Variants in MACROD2 observed in about 807,000 individuals in gnomAD.
MACROD2 encodes the protein mono-ADP ribosylhydrolase 2.
MACROD2 carries 36 observed loss-of-function variants against 70.4 expected under a neutral mutation model. That is an observed-to-expected ratio of 0.51 (90% CI 0.39 to 0.68). The LOEUF is 0.68. Among genes scored for constraint, MACROD2 ranks in the 30% least tolerant of loss-of-function variants. MACROD2 has a pLI of 0.00. For missense variants in MACROD2, 496 were observed against 538.4 expected (o/e 0.92, Z 0.78); for synonymous variants, 172 against 178.8 (o/e 0.96, Z 0.30).
At chr20:15,147,844 A>G (rs968278169) in intron 5 of MACROD2, among the ~76,000 whole-genome samples, 3 of 152,050 alleles carry the variant, frequency 2.0e-5, no homozygotes, top group Non-Finnish European at 4.4e-5. Flanking sequence ...TTGGGTAGGT[A>G]AAGGAAAAAG....
chr20:14,741,761 G>A (rs2123720332), intron 5 of MACROD2, among the ~76,000 whole-genome samples: 1 of 152,122 alleles, frequency 6.6e-6, no homozygotes, highest in East Asian at 1.9e-4. Context: ...TTTTAAGAAT[G>A]CAGTATATGA....
chr20:15,659,304 CTTTTTTTTTTTTTTTTTT>C lies in MACROD2; in HGVS notation c.645+159469_645+159486del, dbSNP rs11468344. Among the ~76,000 whole-genome samples the C allele has an allele frequency of 6.0e-5, 4 of 67,220 alleles. 1 individual carries two copies. The highest frequency in any genetic ancestry group is 5.1e-5 in the Non-Finnish European group (2 of 39,036). The allele number at this position is 67,220 out of a possible 152,430, so 44.1% of individuals were successfully genotyped here. A position where few individuals can be genotyped will look rare whatever the true frequency, so the allele number is the denominator to read the frequency against. On this transcript the variant is annotated intron_variant, in intron 8 of 17. Transcript: ENST00000684519. ...ATCAAAAGCTTGCAAGATAGCACAG[CTTTTTTTTTTTTTTTTTT>C]TTTTTTTTTTTGTCTCTTGATAGAA... is the stretch of plus-strand genomic sequence containing the variant.
At chr20:15,159,731 T>G (rs2076334685) in intron 5 of MACROD2, among the ~76,000 whole-genome samples, 1 of 151,244 alleles carries the variant, frequency 6.6e-6, no homozygotes, top group Non-Finnish European at 1.5e-5. Flanking sequence ...CTAGTAGAGG[T>G]GGTATAACAC....
At position 15,533,542 on chromosome 20, in the gene MACROD2, T is replaced by TCG. The variant is rs1277213548; in HGVS notation, c.645+33697_645+33698dup. On this transcript the variant is annotated intron_variant, in intron 8 of 17. Transcript: ENST00000684519. ...ATCCAACTTTCTGTCTCTGTCTCTG[T>TCG]CGCTCTCTCTCTCTCTCTCTCTCTC... Among the ~76,000 whole-genome samples, 11 of 120,732 alleles carry TCG rather than the reference T, an allele frequency of 9.1e-5. No individual in the cohort carries two copies. The South Asian group carries it at 2.0e-3, about 22-fold the overall frequency. 79.2% of individuals were successfully genotyped at this position (120,732 alleles called of 152,430 possible).
intron 5 of MACROD2, among the ~76,000 whole-genome samples, chr20:14,825,349 AC>A (rs1328884034): frequency 1.3e-5 from 2 of 152,034 alleles, no homozygotes; most frequent in Non-Finnish European, 2.9e-5. Context: ...CTCCTAGCAA[AC>A]CTGACCAGTG....
intron 5 of MACROD2, among the ~76,000 whole-genome samples, chr20:14,966,536 ACTGCACTCCAGC>A (rs2074638550): frequency 6.6e-6 from 1 of 152,202 alleles, no homozygotes; most frequent in African/African-American, 2.4e-5. Flanking sequence ...TGATTGTGTC[ACTGCACTCCAGC>A]CTGGGCAACA....
At chr20:15,597,347 G>T (rs184262453) in intron 8 of MACROD2, among the ~76,000 whole-genome samples, 1 of 152,304 alleles carries the variant, frequency 6.6e-6, no homozygotes, top group African/African-American at 2.4e-5. Context: ...TTACAGTGGT[G>T]CAAAGGGTAG....
rs553324377 is a variant in MACROD2 at position 14,955,942 on chromosome 20, A to G, written c.418+270983A>G. Among the ~76,000 whole-genome samples the G allele has an allele frequency of 2.0e-4, 30 of 152,218 alleles. No individual in the cohort carries two copies. In the South Asian group the frequency reaches 2.3e-3, roughly 12 times the overall value. ...TACAATGAGATTAACCATATTTAGAATCCTAGACATTTTATTTTTGCAATC... is the reference window on the plus strand; with the variant it reads ...TACAATGAGATTAACCATATTTAGAGTCCTAGACATTTTATTTTTGCAATC... On this transcript the variant is annotated intron_variant, in intron 5 of 17. Coordinates refer to ENST00000684519, the MANE Select transcript of MACROD2 (RefSeq NM_001351661.2).
At chr20:15,834,136 C>T (rs1030126735) in intron 8 of MACROD2, among the ~76,000 whole-genome samples, 2 of 152,136 alleles carry the variant, frequency 1.3e-5, no homozygotes, top group African/African-American at 4.8e-5. Flanking sequence ...TTGCCTTCAC[C>T]GCTTACTATA....
intron 5 of MACROD2, among the ~76,000 whole-genome samples, chr20:15,021,269 T>TATACACACACCTGTGTGC (rs1470873300): frequency 7.5e-6 from 1 of 133,582 alleles, no homozygotes; most frequent in African/African-American, 2.8e-5. Flanking sequence ...CACCTGTGTG[T>TATACACACACCTGTGTGC]GTGTATACGC....
intron 6 of MACROD2, among the ~76,000 whole-genome samples, chr20:15,403,836 T>C (rs2045962896): frequency 6.6e-6 from 1 of 152,168 alleles, no homozygotes; most frequent in Non-Finnish European, 1.5e-5. Flanking sequence ...TCCAGGGCAT[T>C]AATGAATTTG....
At chr20:14,160,922 C>A (rs560029882) in intron 3 of MACROD2, among the ~76,000 whole-genome samples, 1 of 152,170 alleles carries the variant, frequency 6.6e-6, no homozygotes, top group African/African-American at 2.4e-5. Flanking sequence ...GTTTGGGCTT[C>A]TGGTATTTCC....
chr20:14,535,505 C>CAAA (rs11357982), intron 4 of MACROD2, among the ~76,000 whole-genome samples: 13 of 62,988 alleles, frequency 2.1e-4, no homozygotes, highest in Admixed American at 4.1e-4. Context: ...AACTCCGTCT[C>CAAA]AAAAAAAAAA....
At chr20:15,805,754 G>A (rs141921747) in intron 8 of MACROD2, among the ~76,000 whole-genome samples, 5 of 152,186 alleles carry the variant, frequency 3.3e-5, no homozygotes, top group African/African-American at 1.2e-4. Flanking sequence ...GGGATTACAG[G>A]TGTGAGCCAC....
chr20:14,225,366 A>G (rs2081722735), intron 3 of MACROD2, among the ~76,000 whole-genome samples: 1 of 152,232 alleles, frequency 6.6e-6, no homozygotes, highest in Non-Finnish European at 1.5e-5. Context: ...GGAACAATAA[A>G]ATCTGATTCA....
At chr20:14,535,505 C>CAA (rs11357982) in intron 4 of MACROD2, among the ~76,000 whole-genome samples, 84 of 62,850 alleles carry the variant, frequency 1.3e-3, no homozygotes, top group South Asian at 2.3e-3. Flanking sequence ...AACTCCGTCT[C>CAA]AAAAAAAAAA....
At chr20:15,095,904 A>G (rs894931572) in intron 5 of MACROD2, among the ~76,000 whole-genome samples, 1 of 151,954 alleles carries the variant, frequency 6.6e-6, no homozygotes, top group Admixed American at 6.6e-5. Context: ...TGCAAGAGAA[A>G]GCAAAAGAGA....
chr20:15,256,753 A>C (rs1167047126), intron 6 of MACROD2, among the ~76,000 whole-genome samples: 2 of 152,038 alleles, frequency 1.3e-5, no homozygotes, highest in Admixed American at 6.6e-5. Context: ...TTTTTAGTGA[A>C]ATGGCATGGA....
chr20:15,998,740 A>G (rs2066667887), intron 15 of MACROD2, among the ~76,000 whole-genome samples: 2 of 150,458 alleles, frequency 1.3e-5, no homozygotes, highest in South Asian at 4.2e-4. Flanking sequence ...AATTTTTTGT[A>G]TTTTTAGTAC....
Sources: gnomAD v4.1 joint callset for allele counts (sites outside exome capture counted in the v4.1 genomes callset) on GRCh38, gnomAD v4.1.1 for gene constraint, MANE v1.5 for transcripts, NCBI Gene and HGNC (gene_info 2026-07-23, HGNC 2026-07-21) for gene names.